Variants in PMS1 observed in about 807,000 individuals in gnomAD.
PMS1 encodes PMS1 homolog 1, mismatch repair system component.
A neutral mutation model predicts 93.1 loss-of-function variants in PMS1; 79 were observed. That is an observed-to-expected ratio of 0.85 (90% confidence interval 0.71 to 1.02). The LOEUF is 1.02. Ranked by LOEUF, PMS1 falls within the 50% of genes least tolerant of loss-of-function variation. The probability of loss-of-function intolerance (pLI) is 0.00; values close to 1 mark genes in which losing one functional copy is unlikely to be tolerated. For missense variants in PMS1, 1,064 were observed against 1,085.3 expected (o/e 0.98, Z 0.28); for synonymous variants, 335 against 363.4 (o/e 0.92, Z 0.89).
intron 6 of PMS1, among the ~76,000 whole-genome samples, chr2:189,844,912 C>T (rs113168867): frequency 0.049 from 7,379 of 151,742 alleles, 293 homozygotes; most frequent in African/African-American, 0.099. Context: ...GGCTGGAGTG[C>T]AGTGGTGGGA....
At chr2:189,867,484 T>C (rs1215758423) in intron 10 of PMS1, among the ~76,000 whole-genome samples, 2 of 152,196 alleles carry the variant, frequency 1.3e-5, no homozygotes, top group Non-Finnish European at 2.9e-5. Flanking sequence ...TATTATTGTG[T>C]CTGTTTTGAA....
In PMS1 at chr2:189,864,182, A is replaced by C; in HGVS notation, c.2296A>C (p.Lys766Gln). 6.2e-7 allele frequency: 1 copy of C among 1,610,862 alleles called. No homozygotes were observed. Among genetic ancestry groups the C allele is most frequent in the Non-Finnish European group, 8.5e-7 (1 of 1,177,450 alleles). The change falls in exon 10 of 13, where the codon AAA becomes CAA. Residue 766 changes from lysine to glutamine, a missense_variant. Lys to Gln is a moderately conservative substitution (Grantham distance 53). Coordinates refer to ENST00000441310, the MANE Select transcript of PMS1 (RefSeq NM_000534.5). The part of the protein sequence containing the change: ...LLFKRLLENH[K>Q]LPAEPLEKPI... ...ATTTAAAAGACTTCTTGAGAATCATAAACTTCCTGCAGAGCCACTGGAAAA... is the reference window on the plus strand; with the variant it reads ...ATTTAAAAGACTTCTTGAGAATCATCAACTTCCTGCAGAGCCACTGGAAAA...
At chr2:189,862,369 C>A (rs1277100271) in intron 9 of PMS1, among the ~76,000 whole-genome samples, 1 of 152,114 alleles carries the variant, frequency 6.6e-6, no homozygotes, top group African/African-American at 2.4e-5. Flanking sequence ...ATTCCCCCTT[C>A]TATTTTCTCA....
chr2:189,791,866 T>A lies in PMS1; in HGVS notation c.57T>A (p.Thr19=). ...TCCTTTCAAGTTCTCAGATCATCAC[T>A]TCGGTGGTCAGTGTTGTAAAAGAGC... ...VRLLSSSQII[T]SVVSVVKELI... Residue 19 remains threonine (T), a synonymous_variant, in exon 2 of 13, where the codon ACT becomes ACA. Transcript: ENST00000441310. 6.2e-7 allele frequency: 1 copy of A among 1,613,890 alleles called. No homozygotes were observed. Among genetic ancestry groups the A allele is most frequent in the South Asian group, 1.1e-5 (1 of 91,084 alleles).
chr2:189,790,980 C>T (rs147787488), intron 1 of PMS1, among the ~76,000 whole-genome samples: 5 of 151,804 alleles, frequency 3.3e-5, no homozygotes, highest in Middle Eastern at 3.4e-3. Context: ...ATACAGAGTT[C>T]GAGTTTGCAA....
chr2:189,797,550 A>G (rs908872010), intron 3 of PMS1, among the ~76,000 whole-genome samples: 1 of 152,160 alleles, frequency 6.6e-6, no homozygotes, highest in Non-Finnish European at 1.5e-5. Context: ...GCCAGGTGAC[A>G]GGGTGATTGT....
chr2:189,818,449 T>C (rs2051517301), intron 5 of PMS1, among the ~76,000 whole-genome samples: 1 of 152,164 alleles, frequency 6.6e-6, no homozygotes, highest in Non-Finnish European at 1.5e-5. Flanking sequence ...AGGCACCACC[T>C]ATGAACCAGA....
rs907085894 is a variant in PMS1 at position 189,802,924 on chromosome 2, G to A, written c.316-2728G>A. Among the ~76,000 whole-genome samples the A allele has an allele frequency of 7.9e-5, 12 of 152,294 alleles. No individual in the cohort carries two copies. In the South Asian group the frequency reaches 8.3e-4, roughly 11 times the overall value. ...CACAGGTGATGGAACTCTATTGAAA[G>A]GAGAAAAGCCAGGGCCAAGATCTCC... On this transcript the variant is annotated intron_variant, in intron 3 of 12. Transcript: ENST00000441310.
chr2:189,840,522 A>G (rs2053737016), intron 5 of PMS1, among the ~76,000 whole-genome samples: 1 of 152,190 alleles, frequency 6.6e-6, no homozygotes, highest in African/African-American at 2.4e-5. Flanking sequence ...AACATACTTT[A>G]TGTCTTTTTT....
At chr2:189,792,091 T>G in intron 2 of PMS1, 150 bp downstream of exon 2, 5 of 655,192 alleles carry the variant, frequency 7.6e-6, no homozygotes, top group South Asian at 1.9e-5. Context: ...AGTAAATCCT[T>G]AAAAATAAAT....
Position 189,873,534 on chromosome 2 carries a change from A to G in PMS1, c.2512A>G (p.Met838Val). ...ITENYLEIEG[M>V]ANCLPFYGVA... is the part of the protein sequence containing the mutation. ...TGAAAATTACTTGGAAATAGAAGGA[A>G]TGGCTAATTGTCTCCCATTCTATGG... Residue 838 changes from methionine to valine, a missense_variant, in exon 12 of 13, where the codon ATG becomes GTG. Met to Val is a conservative substitution (Grantham distance 21, BLOSUM62 1). Transcript: ENST00000441310. 6.3e-7 allele frequency: 1 copy of G among 1,599,136 alleles called. No homozygotes were observed. The highest frequency in any genetic ancestry group is 8.6e-7 in the Non-Finnish European group (1 of 1,166,434).
intron 6 of PMS1, among the ~76,000 whole-genome samples, chr2:189,848,102 C>T (rs937304048): frequency 3.3e-5 from 5 of 152,104 alleles, no homozygotes; most frequent in East Asian, 1.9e-4. Context: ...AAACTGGTTA[C>T]GGTCGCTGAC....
rs796866749 is a variant in PMS1, at chr2:189,784,488, C to CTGG, written c.-126_-125insTGG. 1 of 152,662 alleles carries CTGG rather than the reference C, an allele frequency of 6.6e-6. No homozygotes were observed. The highest frequency in any genetic ancestry group is 1.9e-4 in the East Asian group (1 of 5,200). The allele number at this position is 152,662 out of a possible 1,614,324, so 9.5% of individuals were successfully genotyped here. A position where few individuals can be genotyped will look rare whatever the true frequency, so the allele number is the denominator to read the frequency against. On this transcript the variant is annotated 5_prime_UTR_variant, in exon 1 of 13. Transcript: ENST00000441310. ...CTGCACCCGCTCTGCCGCGCGCGTG[C>CTGG]GTGCTGGGTGCGGGTGCGGGTGCGG...
At chr2:189,873,890 C>T (rs1428129845) in intron 12 of PMS1, among the ~76,000 whole-genome samples, 2 of 152,138 alleles carry the variant, frequency 1.3e-5, no homozygotes, top group African/African-American at 2.4e-5. Flanking sequence ...GGAACAATTT[C>T]CTGAAACCAT....
intron 12 of PMS1, among the ~76,000 whole-genome samples, chr2:189,875,290 C>T (rs2057465642): frequency 6.6e-6 from 1 of 150,888 alleles, no homozygotes; most frequent in African/African-American, 2.4e-5. Context: ...CTTGTATATA[C>T]TCAGTGGATT....
intron 5 of PMS1, among the ~76,000 whole-genome samples, chr2:189,819,138 A>C (rs1267040294): frequency 6.6e-6 from 1 of 152,204 alleles, no homozygotes; most frequent in Non-Finnish European, 1.5e-5. Flanking sequence ...AAGTGAAAAC[A>C]TGCAGTATTT....
In PMS1 at chr2:189,864,135, A is replaced by G. The variant is rs774576220; in HGVS notation, c.2249A>G (p.Tyr750Cys). 1.9e-6 allele frequency: 3 copies of G among 1,612,728 alleles called. No homozygotes were observed. The highest frequency in any genetic ancestry group is 2.5e-6 in the Non-Finnish European group (3 of 1,178,944). The change falls in exon 10 of 13, where the codon TAT (tyrosine) becomes TGT (cysteine). Residue 750 changes from tyrosine (Y) to cysteine (C), a missense_variant. Physicochemically the swap from Tyr to Cys is radical, Grantham distance 194. Coordinates refer to ENST00000441310, the MANE Select transcript of PMS1 (RefSeq NM_000534.5). The part of the protein sequence containing the change: ...SKTEVMLLNP[Y>C]RVEEALLFKR... ...ACAGAGGTAATGTTATTAAATCCAT[A>G]TAGAGTAGAAGAAGCCCTGCTATTT... is the stretch of plus-strand genomic sequence containing the variant.
At chr2:189,812,458 A>G (rs555043735) in intron 4 of PMS1, among the ~76,000 whole-genome samples, 91 of 152,364 alleles carry the variant, frequency 6.0e-4, no homozygotes, top group Non-Finnish European at 9.8e-4. Flanking sequence ...TTTAAGCTGA[A>G]GGAAAATGAT....
intron 10 of PMS1, among the ~76,000 whole-genome samples, chr2:189,865,838 C>T (rs2056611475): frequency 6.6e-6 from 1 of 151,986 alleles, no homozygotes; most frequent in Non-Finnish European, 1.5e-5. Flanking sequence ...ATAATTTGTT[C>T]CCTAGGACAC....
Sources: gnomAD v4.1 joint callset for allele counts (sites outside exome capture counted in the v4.1 genomes callset) on GRCh38, gnomAD v4.1.1 for gene constraint, MANE v1.5 for transcripts, NCBI Gene and HGNC (gene_info 2026-07-23, HGNC 2026-07-21) for gene names.